The following PCDH15 variants were observed in gnomAD, a reference collection of about 807,000 sequenced individuals.
PCDH15 encodes protocadherin related 15.
A neutral mutation model predicts 178.5 loss-of-function variants in PCDH15; 129 were observed. That is an observed-to-expected ratio of 0.72 (90% CI 0.63 to 0.84). The LOEUF (loss-of-function observed/expected upper bound fraction) is 0.84. Ranked by LOEUF, PCDH15 falls within the 40% of genes least tolerant of loss-of-function variation. The pLI is 0.00. For missense variants in PCDH15, 2,230 were observed against 2,099.9 expected (o/e 1.06, Z -1.21); for synonymous variants, 800 against 732.0 (o/e 1.09, Z -1.50).
intron 8 of PCDH15, among the ~76,000 whole-genome samples, chr10:54,257,148 T>TAAAA (rs2056965783): frequency 6.6e-6 from 1 of 152,062 alleles, no homozygotes; most frequent in Non-Finnish European, 1.5e-5. Flanking sequence ...TTTTTTTAGG[T>TAAAA]AATGTTCCTT....
chr10:53,881,750 G>T (rs2080736126), intron 26 of PCDH15, among the ~76,000 whole-genome samples: 1 of 151,968 alleles, frequency 6.6e-6, no homozygotes, highest in Non-Finnish European at 1.5e-5. Context: ...GCGATGTTTT[G>T]ATGTGAATTG....
At chr10:54,734,286 C>T (rs4935554) in intron 1 of PCDH15, among the ~76,000 whole-genome samples, 18,509 of 151,768 alleles carry the variant, frequency 0.12, 1,264 homozygotes, top group African/African-American at 0.17. Flanking sequence ...GAAATATGGA[C>T]TGCAACTAAG....
At chr10:54,831,942 T>C (rs1440762583) in intron 3 of PCDH15, among the ~76,000 whole-genome samples, 1 of 152,144 alleles carries the variant, frequency 6.6e-6, no homozygotes, top group Non-Finnish European at 1.5e-5. Context: ...TAATAAATCA[T>C]AACTAAACTA....
chr10:55,541,891 C>T (rs979927407), intron 2 of PCDH15, among the ~76,000 whole-genome samples: 1 of 151,666 alleles, frequency 6.6e-6, no homozygotes, highest in Admixed American at 6.6e-5. Context: ...TTGTCCAAAC[C>T]ATAAGAAAGA....
At chr10:54,430,120 A>C (rs2135984857) in intron 3 of PCDH15, among the ~76,000 whole-genome samples, 1 of 129,514 alleles carries the variant, frequency 7.7e-6, no homozygotes, top group South Asian at 2.3e-4. Context: ...CAACTGTGTG[A>C]TCTCGGCTCA....
intron 23 of PCDH15, among the ~76,000 whole-genome samples, chr10:53,948,986 C>T (rs926185657): frequency 1.2e-4 from 19 of 152,256 alleles, no homozygotes; most frequent in African/African-American, 2.6e-4. Flanking sequence ...AATAATGGGA[C>T]GTATAAAATC....
chr10:55,438,433 A>G (rs1589027906), intron 2 of PCDH15, among the ~76,000 whole-genome samples: 2 of 152,322 alleles, frequency 1.3e-5, no homozygotes, highest in Middle Eastern at 6.8e-3. Context: ...ACATTGTTTT[A>G]TAGCTTTATT....
At chr10:54,759,763 T>C (rs2133121461) in intron 1 of PCDH15, among the ~76,000 whole-genome samples, 1 of 152,342 alleles carries the variant, frequency 6.6e-6, no homozygotes, top group South Asian at 2.1e-4. Context: ...ACGTTTTCTT[T>C]AGGGAATAGA....
At chr10:53,992,746 C>T (rs754609847) in intron 21 of PCDH15, among the ~76,000 whole-genome samples, 4 of 152,150 alleles carry the variant, frequency 2.6e-5, no homozygotes, top group African/African-American at 4.8e-5. Context: ...AATGATCAGT[C>T]ATTCACTATT....
At chr10:54,976,523 C>A (rs1249729251) in intron 2 of PCDH15, among the ~76,000 whole-genome samples, 39 of 152,046 alleles carry the variant, frequency 2.6e-4, no homozygotes, top group Non-Finnish European at 4.4e-5. Context: ...GGAAAACAGT[C>A]CTCATGCACT....
chr10:53,972,105 A>G (rs996007485), intron 21 of PCDH15, among the ~76,000 whole-genome samples: 4 of 152,190 alleles, frequency 2.6e-5, no homozygotes, highest in African/African-American at 9.7e-5. Context: ...GGCCAATGGA[A>G]CAGAACAGAG....
intron 3 of PCDH15, among the ~76,000 whole-genome samples, chr10:54,847,280 A>C (rs1358088094): frequency 3.9e-5 from 6 of 152,170 alleles, no homozygotes; most frequent in African/African-American, 7.2e-5. Flanking sequence ...TTTTAAATGA[A>C]GTGCTATAAA....
intron 1 of PCDH15, among the ~76,000 whole-genome samples, chr10:54,782,845 C>T (rs1023049846): frequency 2.0e-5 from 3 of 152,012 alleles, no homozygotes; most frequent in African/African-American, 7.2e-5. Context: ...GTCTATGCTA[C>T]CAAGACACTC....
chr10:55,536,044 C>A (rs2132069002), intron 2 of PCDH15, among the ~76,000 whole-genome samples: 1 of 152,072 alleles, frequency 6.6e-6, no homozygotes, highest in Admixed American at 6.6e-5. Context: ...ATGAGTTCAT[C>A]AACATGGTAT....
At chr10:54,149,591 G>A (rs1010064323) in intron 14 of PCDH15, among the ~76,000 whole-genome samples, 3 of 152,120 alleles carry the variant, frequency 2.0e-5, no homozygotes, top group African/African-American at 4.8e-5. Context: ...TGACATGAGG[G>A]AGTGTCCTAC....
chr10:54,145,607 T>C (rs932447799), intron 14 of PCDH15, among the ~76,000 whole-genome samples: 3 of 152,080 alleles, frequency 2.0e-5, no homozygotes, highest in Admixed American at 6.6e-5. Flanking sequence ...AGTTTTAAGA[T>C]AGAAGATGTA....
rs1427042887 is a variant in PCDH15 at position 55,478,041 on chromosome 10, T to C, written c.-156+149584A>G. 2.6e-5 allele frequency among the ~76,000 whole-genome samples: 4 copies of C among 151,992 alleles called. No homozygotes were observed. In the South Asian group the frequency reaches 8.3e-4, roughly 31 times the overall value. On this transcript the variant is annotated intron_variant, in intron 2 of 5. Transcript: ENST00000613346. ...AAAGTAGCAGGAGTAACTATACTTA[T>C]ATCAAATAAAATGGACTTTAAGTAA...
In PCDH15 at chr10:54,134,549, C is replaced by T. The variant is rs553616620; in HGVS notation, c.1785-1542G>A. 2.6e-5 allele frequency among the ~76,000 whole-genome samples: 4 copies of T among 151,552 alleles called. No homozygotes were observed. In the South Asian group the frequency reaches 6.3e-4, roughly 24 times the overall value. Reference sequence around the variant, plus strand: ...CAGGTGGATCATGCGGTCAGGAGATCGAGACCATCCTGGCTAACATGGTGA... The same window carrying T: ...CAGGTGGATCATGCGGTCAGGAGATTGAGACCATCCTGGCTAACATGGTGA... On this transcript the variant is annotated intron_variant, in intron 14 of 37. Transcript: ENST00000644397.
At chr10:55,183,363 T>A (rs1295019479) in intron 1 of PCDH15, among the ~76,000 whole-genome samples, 1 of 151,834 alleles carries the variant, frequency 6.6e-6, no homozygotes, top group Non-Finnish European at 1.5e-5. Context: ...ATTGATGAAA[T>A]AAAAAATCTG....
Sources: allele counts gnomAD v4.1 joint callset (sites outside exome capture counted in the v4.1 genomes callset), GRCh38; gene constraint gnomAD v4.1.1; transcripts MANE v1.5; gene names NCBI Gene and HGNC (gene_info 2026-07-23, HGNC 2026-07-21).